The following EEF1AKMT1 variants were observed in gnomAD, a reference collection of about 807,000 sequenced individuals.
EEF1AKMT1 encodes the protein N-6 adenine-specific DNA methyltransferase 2 (putative).
In EEF1AKMT1, 18 loss-of-function variants were observed where a neutral mutation model predicts 21.0. The ratio of observed to expected loss-of-function variants is 0.86; its 90% CI spans 0.59 to 1.27. EEF1AKMT1 has a LOEUF of 1.27. EEF1AKMT1 is among the 50% of genes most tolerant of loss of function. The pLI, the probability that EEF1AKMT1 is intolerant of heterozygous loss-of-function variation, is 0.00. For synonymous variants in EEF1AKMT1, 109 were observed against 94.8 expected, an observed-to-expected ratio of 1.15 and a Z score of -0.87; for missense variants, 246 against 258.6, an observed-to-expected ratio of 0.95 and a Z score of 0.33.
intron 1 of EEF1AKMT1, among the ~76,000 whole-genome samples, chr13:20,759,416 A>G (rs1350911669): frequency 6.6e-6 from 1 of 151,984 alleles, no homozygotes; most frequent in Non-Finnish European, 1.5e-5. Context: ...CGTCTCTACT[A>G]AAAAATACAA....
At chr13:20,757,071 C>T (rs577074737) in intron 2 of EEF1AKMT1, among the ~76,000 whole-genome samples, 122 of 152,294 alleles carry the variant, frequency 8.0e-4, no homozygotes, top group African/African-American at 2.8e-3. Flanking sequence ...AACGTGGGTA[C>T]GAGCTATAAC....
Position 20,728,975 on chromosome 13 carries a change from C to T in EEF1AKMT1, c.*105G>A. 6.9e-7 allele frequency: 1 copy of T among 1,450,850 alleles called. No homozygotes were observed. The highest frequency in any genetic ancestry group is 9.5e-7 in the Non-Finnish European group (1 of 1,047,576). 89.9% of individuals were successfully genotyped at this position (1,450,850 alleles called of 1,614,324 possible). On this transcript the variant is annotated 3_prime_UTR_variant, in exon 5 of 5. Transcript: ENST00000382758. ...TTTGAAAACCAGGCCAGGGACAGCTCCAGTTTGGGGGGAGGGGAAGAGATT... is the reference window on the plus strand; with the variant it reads ...TTTGAAAACCAGGCCAGGGACAGCTTCAGTTTGGGGGGAGGGGAAGAGATT...
intron 4 of EEF1AKMT1, among the ~76,000 whole-genome samples, chr13:20,730,787 T>C (rs911380394): frequency 6.6e-6 from 1 of 152,150 alleles, no homozygotes; most frequent in African/African-American, 2.4e-5. Context: ...AAGCAGGACG[T>C]GGGCAGGGAC....
At chr13:20,739,953 T>C (rs1360835261) in intron 2 of EEF1AKMT1, among the ~76,000 whole-genome samples, 2 of 152,228 alleles carry the variant, frequency 1.3e-5, no homozygotes, top group African/African-American at 4.8e-5. Flanking sequence ...CCTTGGGCAG[T>C]TGATGCGACT....
chr13:20,763,411 C>T (rs12322973), intron 1 of EEF1AKMT1, among the ~76,000 whole-genome samples: 14,130 of 151,202 alleles, frequency 0.093, 809 homozygotes, highest in Non-Finnish European at 0.13. Flanking sequence ...ACCCAGTCTA[C>T]GGTATTTTGT....
At chr13:20,738,496 G>A (rs1446973932) in intron 2 of EEF1AKMT1, among the ~76,000 whole-genome samples, 3 of 152,218 alleles carry the variant, frequency 2.0e-5, no homozygotes, top group African/African-American at 7.2e-5. Flanking sequence ...TCTCTTCCCT[G>A]AATGGCAGGC....
At chr13:20,758,176 C>T (rs1019904972) in intron 1 of EEF1AKMT1, among the ~76,000 whole-genome samples, 1 of 152,100 alleles carries the variant, frequency 6.6e-6, no homozygotes, top group African/African-American at 2.4e-5. Context: ...CTGATAGAGG[C>T]ATTTTAGCAT....
chr13:20,728,918 A>T lies in EEF1AKMT1; in HGVS notation c.*162T>A, dbSNP rs2058774275. 1.1e-6 allele frequency: 1 copy of T among 892,192 alleles called. No homozygotes were observed. The allele number at this position is 892,192 out of a possible 1,614,324, so 55.3% of individuals were successfully genotyped here. ...ACTGAGCTCTAGGGACGCCCTCCCT[A>T]AGGAAACAATAATGAAGATCGCACA... On this transcript the variant is annotated 3_prime_UTR_variant, in exon 5 of 5. Transcript: ENST00000382758.
chr13:20,737,936 A>AGAT (rs2058835553), intron 2 of EEF1AKMT1, 131 bp from the exon 3 acceptor site: 2 of 482,262 alleles, frequency 4.1e-6, no homozygotes, highest in Non-Finnish European at 7.0e-6. Flanking sequence ...ACCAGTGGAC[A>AGAT]GATATTTTTA....
chr13:20,731,785 A>G, intron 4 of EEF1AKMT1, 56 bp downstream of exon 4: 2 of 1,546,970 alleles, frequency 1.3e-6, no homozygotes, highest in Non-Finnish European at 1.7e-6. Context: ...CTTGACCCTG[A>G]AGACCTGAAT....
chr13:20,768,691 A>G (rs1448259611), intron 1 of EEF1AKMT1, among the ~76,000 whole-genome samples: 1 of 151,720 alleles, frequency 6.6e-6, no homozygotes, highest in Non-Finnish European at 1.5e-5. Flanking sequence ...TGGACACCTC[A>G]ATCTTTTGAA....
intron 1 of EEF1AKMT1, 87 bp from the exon 2 acceptor site, chr13:20,757,704 A>G: frequency 1.8e-6 from 2 of 1,084,224 alleles, no homozygotes; most frequent in Non-Finnish European, 2.6e-6. Context: ...ATTTAACAGC[A>G]AGGATCCAAA....
chr13:20,758,576 G>T (rs1394266136), intron 1 of EEF1AKMT1, among the ~76,000 whole-genome samples: 1 of 151,792 alleles, frequency 6.6e-6, no homozygotes, highest in East Asian at 1.9e-4. Flanking sequence ...ACAGATGGTC[G>T]ACATAAGAGT....
intron 4 of EEF1AKMT1, among the ~76,000 whole-genome samples, chr13:20,731,452 A>G (rs918456753): frequency 6.6e-6 from 1 of 152,222 alleles, no homozygotes; most frequent in African/African-American, 2.4e-5. Flanking sequence ...AAACTCTTCT[A>G]CATTAACCCA....
At chr13:20,769,671 A>T (rs549906616) in intron 1 of EEF1AKMT1, among the ~76,000 whole-genome samples, 2 of 152,258 alleles carry the variant, frequency 1.3e-5, no homozygotes, top group East Asian at 3.9e-4. Flanking sequence ...AACCCAGCAA[A>T]ATCTGGTGAA....
At position 20,736,983 on chromosome 13, in the gene EEF1AKMT1, C is replaced by G. The variant is rs372649564; in HGVS notation, c.227+740G>C. 4.4e-4 allele frequency among the ~76,000 whole-genome samples: 67 copies of G among 152,032 alleles called. 1 individual carries two copies. In the South Asian group the frequency reaches 0.013, roughly 30 times the overall value. ...TCCGAACCTCAGGTGATCCGCCCGC[C>G]TTGGCCTCCCAAAGTGCTGGGATTT... On this transcript the variant is annotated intron_variant, in intron 3 of 4. Transcript: ENST00000382758.
intron 4 of EEF1AKMT1, among the ~76,000 whole-genome samples, chr13:20,731,033 C>G (rs118013759): frequency 6.6e-6 from 1 of 152,176 alleles, no homozygotes; most frequent in African/African-American, 2.4e-5. Flanking sequence ...CCGGAGGTGC[C>G]GCCTTTAAGA....
At position 20,737,702 on chromosome 13, in the gene EEF1AKMT1, AAG is replaced by A. The variant is rs1183097130; in HGVS notation, c.227+19_227+20del. The A allele has an allele frequency of 1.3e-5, 21 of 1,602,930 alleles. No individual in the cohort carries two copies. Among genetic ancestry groups the A allele is most frequent in the Non-Finnish European group, 1.7e-5 (20 of 1,172,746 alleles). On this transcript the variant is annotated intron_variant, in intron 3 of 4. Transcript: ENST00000382758. ...TCAAAATATTACATTAGATGCCAAA[AAG>A]AGAAAATTTGAATCTCACCTGCCAC... is the stretch of plus-strand genomic sequence containing the variant.
intron 4 of EEF1AKMT1, 41 bp from the exon 5 acceptor site, chr13:20,729,257 C>A (rs375370632): frequency 1.2e-6 from 2 of 1,612,402 alleles, no homozygotes. Flanking sequence ...AGTGACAACC[C>A]AGCCGGAGCT....
Sources: gnomAD v4.1 joint callset for allele counts (sites outside exome capture counted in the v4.1 genomes callset) on GRCh38, gnomAD v4.1.1 for gene constraint, MANE v1.5 for transcripts, NCBI Gene and HGNC (gene_info 2026-07-23, HGNC 2026-07-21) for gene names.